ZSWIM6: variants seen among roughly 807,000 people sequenced by gnomAD.
ZSWIM6 encodes zinc finger SWIM-type containing 6.
In ZSWIM6, 9 loss-of-function variants were observed where a neutral mutation model predicts 113.2. The ratio of observed to expected loss-of-function variants is 0.08; its 90% CI spans 0.05 to 0.14. The LOEUF is 0.14. Ranked by LOEUF, ZSWIM6 falls within the 10% of genes least tolerant of loss-of-function variation. The probability of loss-of-function intolerance (pLI) is 1.00; values close to 1 mark genes in which losing one functional copy is unlikely to be tolerated. For missense variants in ZSWIM6, 1,162 were observed against 1,552.2 expected (o/e 0.75, Z 4.22); for synonymous variants, 611 against 606.5 (o/e 1.01, Z -0.11).
chr5:61,340,347 C>G (rs1208048983), intron 1 of ZSWIM6, among the ~76,000 whole-genome samples: 1 of 152,046 alleles, frequency 6.6e-6, no homozygotes, highest in East Asian at 1.9e-4. Context: ...GTATATATGT[C>G]TACAAATATA....
At position 61,332,660 on chromosome 5, in the gene ZSWIM6, G is replaced by T; in HGVS notation, c.388G>T (p.Gly130Cys). 8.9e-7 allele frequency: 1 copy of T among 1,124,740 alleles called. No individual in the cohort carries two copies. The allele number at this position is 1,124,740 out of a possible 1,614,324, so 69.7% of individuals were successfully genotyped here. A position where few individuals can be genotyped will look rare whatever the true frequency, so the allele number is the denominator to read the frequency against. Residue 130 changes from glycine (G) to cysteine (C), a missense_variant, in exon 1 of 14, where the codon GGC (glycine) becomes TGC (cysteine). Gly to Cys is a radical substitution (Grantham distance 159). This residue lies in a region of ZSWIM6 where 333 missense variants were observed against 293.4 expected (regional missense o/e 1.13). Coordinates refer to ENST00000252744, the MANE Select transcript of ZSWIM6 (RefSeq NM_020928.2). ...CTGCATGTACTCGTCCTTCAACACCGGCGGCGGCGCCGCGGGCGGCCCCGG... is the reference window on the plus strand; with the variant it reads ...CTGCATGTACTCGTCCTTCAACACCTGCGGCGGCGCCGCGGGCGGCCCCGG... ...EICMYSSFNT[G>C]GGAAGGPGDD...
At chr5:61,394,976 C>A (rs1298023170) in intron 1 of ZSWIM6, among the ~76,000 whole-genome samples, 1 of 152,166 alleles carries the variant, frequency 6.6e-6, no homozygotes, top group Non-Finnish European at 1.5e-5. Flanking sequence ...AGACTACCAT[C>A]ATGAGGCTTT....
intron 1 of ZSWIM6, among the ~76,000 whole-genome samples, chr5:61,406,690 T>TTTTATTTA (rs3067225): frequency 0.16 from 23,513 of 145,820 alleles, 2,122 homozygotes; most frequent in South Asian, 0.23. Context: ...CTCAGAAATC[T>TTTTATTTA]TTTATTTATT....
intron 8 of ZSWIM6, among the ~76,000 whole-genome samples, chr5:61,530,557 C>T (rs1266435398): frequency 6.6e-6 from 1 of 152,176 alleles, no homozygotes; most frequent in Non-Finnish European, 1.5e-5. Context: ...AGTTTAGGTG[C>T]TTTTCAAATT....
chr5:61,336,370 T>TA (rs201812515), intron 1 of ZSWIM6, among the ~76,000 whole-genome samples: 63 of 150,538 alleles, frequency 4.2e-4, no homozygotes, highest in East Asian at 4.1e-3. Context: ...AGAAGTTACA[T>TA]AAAAAAAAAA....
intron 5 of ZSWIM6, among the ~76,000 whole-genome samples, chr5:61,522,319 T>C (rs1749155371): frequency 6.6e-6 from 1 of 152,186 alleles, no homozygotes; most frequent in Admixed American, 6.5e-5. Flanking sequence ...CATGATTCAG[T>C]GCATTTTTTG....
At chr5:61,355,752 C>T (rs1182600853) in intron 1 of ZSWIM6, among the ~76,000 whole-genome samples, 3 of 152,104 alleles carry the variant, frequency 2.0e-5, no homozygotes, top group South Asian at 4.1e-4. Context: ...AAGTGTAACA[C>T]ATGCACCAGA....
In ZSWIM6 at chr5:61,380,264, C is replaced by CG. The variant is rs1355683715; in HGVS notation, c.676+47320dup. 2.0e-5 allele frequency among the ~76,000 whole-genome samples: 3 copies of CG among 151,992 alleles called. No homozygotes were observed. The East Asian group carries it at 5.8e-4, about 29-fold the overall frequency. On this transcript the variant is annotated intron_variant, in intron 1 of 13. Transcript: ENST00000252744. ...CTAATTTTTGTATTTTTAGTAGAGA[C>CG]GGGGTTTCGCCCTGTTGGCCAGGCT...
chr5:61,488,430 T>C (rs1748083578), intron 2 of ZSWIM6, among the ~76,000 whole-genome samples: 1 of 152,032 alleles, frequency 6.6e-6, no homozygotes, highest in Non-Finnish European at 1.5e-5. Context: ...TCAAGACAAT[T>C]AGTATTAGTT....
At chr5:61,497,736 C>T (rs561488206) in intron 4 of ZSWIM6, among the ~76,000 whole-genome samples, 84 of 152,164 alleles carry the variant, frequency 5.5e-4, no homozygotes, top group African/African-American at 1.9e-3. Flanking sequence ...TCATAATCAG[C>T]TATAAGAAAA....
At chr5:61,443,650 T>G (rs1746885027) in intron 1 of ZSWIM6, among the ~76,000 whole-genome samples, 1 of 152,182 alleles carries the variant, frequency 6.6e-6, no homozygotes, top group Admixed American at 6.6e-5. Flanking sequence ...AGTCATTGAT[T>G]TAGCTAAAAT....
intron 9 of ZSWIM6, among the ~76,000 whole-genome samples, chr5:61,534,477 C>T (rs1232034610): frequency 1.3e-5 from 2 of 152,200 alleles, no homozygotes; most frequent in Non-Finnish European, 1.5e-5. Flanking sequence ...CTCTTCACCA[C>T]ACTGGTTTTT....
Position 61,473,055 on chromosome 5 carries a change from C to A in ZSWIM6, c.1033+18C>A. ...AGTTCATGGTGAGTATAGACATTGA[C>A]TCTTTAAATTTCCTCTCTGGATCCT... is the stretch of plus-strand genomic sequence containing the variant. On this transcript the variant is annotated intron_variant, in intron 2 of 13. Coordinates refer to ENST00000252744, the MANE Select transcript of ZSWIM6 (RefSeq NM_020928.2). 7.2e-7 allele frequency: 1 copy of A among 1,384,298 alleles called. No individual in the cohort carries two copies. Among genetic ancestry groups the A allele is most frequent in the Non-Finnish European group, 9.6e-7 (1 of 1,042,576 alleles). The allele number at this position is 1,384,298 out of a possible 1,614,324, so 85.8% of individuals were successfully genotyped here. A position where few individuals can be genotyped will look rare whatever the true frequency, so the allele number is the denominator to read the frequency against.
chr5:61,453,520 A>G (rs944917623), intron 1 of ZSWIM6, among the ~76,000 whole-genome samples: 2 of 151,628 alleles, frequency 1.3e-5, no homozygotes, highest in South Asian at 4.2e-4. Flanking sequence ...GACTACAGGC[A>G]TGTGCCACCA....
At chr5:61,504,109 A>G (rs1015696334) in intron 4 of ZSWIM6, among the ~76,000 whole-genome samples, 24 of 152,210 alleles carry the variant, frequency 1.6e-4, no homozygotes, top group South Asian at 2.1e-4. Flanking sequence ...AAACATCAAG[A>G]AGCAGTTATT....
In ZSWIM6 at chr5:61,454,573, T is replaced by G. The variant is rs928854248; in HGVS notation, c.677-18108T>G. Reference sequence around the variant, plus strand: ...CCACCGTGCCTATCCCTAAGTTTTTTTTTTTTTTTTTTTCTTTTCGAGATG... The same window carrying G: ...CCACCGTGCCTATCCCTAAGTTTTTGTTTTTTTTTTTTTCTTTTCGAGATG... On this transcript the variant is annotated intron_variant, in intron 1 of 13. Transcript: ENST00000252744. Among the ~76,000 whole-genome samples, 6 of 151,214 alleles carry G rather than the reference T, an allele frequency of 4.0e-5. No homozygotes were observed. The East Asian group carries it at 1.2e-3, about 29-fold the overall frequency.
At chr5:61,376,281 A>G (rs1228602618) in intron 1 of ZSWIM6, among the ~76,000 whole-genome samples, 1 of 104,226 alleles carries the variant, frequency 9.6e-6, no homozygotes, top group Non-Finnish European at 1.9e-5. Context: ...TACTCTGTAG[A>G]TAAGTGTATT....
At chr5:61,416,494 G>A (rs969024411) in intron 1 of ZSWIM6, among the ~76,000 whole-genome samples, 1 of 152,162 alleles carries the variant, frequency 6.6e-6, no homozygotes, top group African/African-American at 2.4e-5. Flanking sequence ...CCTCCTGGGG[G>A]TATGATAGAA....
intron 1 of ZSWIM6, among the ~76,000 whole-genome samples, chr5:61,445,725 G>C (rs1037392973): frequency 6.6e-6 from 1 of 152,188 alleles, no homozygotes; most frequent in Non-Finnish European, 1.5e-5. Flanking sequence ...GTGTGTATGT[G>C]TAAGTAAAAC....
Sources: allele counts gnomAD v4.1 joint callset (sites outside exome capture counted in the v4.1 genomes callset), GRCh38; gene constraint gnomAD v4.1.1; regional missense constraint gnomAD v4.1.1; transcripts MANE v1.5; gene names NCBI Gene and HGNC (gene_info 2026-07-23, HGNC 2026-07-21).